TMX4: variants seen among roughly 807,000 people sequenced by gnomAD.
TMX4 encodes thioredoxin-related transmembrane protein 4.
TMX4 carries 23 observed loss-of-function variants against 33.3 expected under a neutral mutation model. The observed-to-expected ratio is 0.69, with a 90% confidence interval of 0.50 to 0.98. The LOEUF (loss-of-function observed/expected upper bound fraction) is 0.98, where lower values mean the gene tolerates loss of function less well. TMX4 is among the 50% of genes least tolerant of loss of function. TMX4 has a pLI of 0.00. For synonymous variants in TMX4, 164 were observed against 161.5 expected (o/e 1.02, Z -0.12); for missense variants, 399 against 448.9 (o/e 0.89, Z 1.01).
intron 1 of TMX4, among the ~76,000 whole-genome samples, chr20:8,015,776 T>A (rs1378471707): frequency 6.6e-6 from 1 of 152,214 alleles, no homozygotes; most frequent in Non-Finnish European, 1.5e-5. Context: ...AAAACCTAGA[T>A]GTCCTATGGA....
chr20:7,987,502 T>G (rs779819508), intron 5 of TMX4, 113 bp from the exon 6 acceptor site: 361 of 622,716 alleles, frequency 5.8e-4, no homozygotes, highest in Non-Finnish European at 7.6e-4. Flanking sequence ...AAGCTTTATG[T>G]ATCTAAATGA....
intron 5 of TMX4, among the ~76,000 whole-genome samples, chr20:7,992,585 AG>A (rs2050659822): frequency 6.6e-6 from 1 of 152,178 alleles, no homozygotes; most frequent in Non-Finnish European, 1.5e-5. Context: ...GCAAGAACAT[AG>A]GGGAGGTTGG....
chr20:8,001,469 C>T (rs888620834), intron 3 of TMX4, 27 bp downstream of exon 3: 7 of 1,569,568 alleles, frequency 4.5e-6, no homozygotes, highest in African/African-American at 2.7e-5. Flanking sequence ...CTAATATTTG[C>T]AAGATTAGAA....
intron 5 of TMX4, among the ~76,000 whole-genome samples, chr20:7,995,413 C>G (rs2122862502): frequency 6.6e-6 from 1 of 152,290 alleles, no homozygotes; most frequent in Non-Finnish European, 1.5e-5. Context: ...ACCTGAATAA[C>G]AGTTCTAACC....
At chr20:8,017,647 A>C (rs948241332) in intron 1 of TMX4, among the ~76,000 whole-genome samples, 1 of 152,214 alleles carries the variant, frequency 6.6e-6, no homozygotes, top group African/African-American at 2.4e-5. Flanking sequence ...ATACATATGC[A>C]AACTCAGTTT....
At chr20:7,989,064 A>G (rs2050643039) in intron 5 of TMX4, among the ~76,000 whole-genome samples, 1 of 152,122 alleles carries the variant, frequency 6.6e-6, no homozygotes, top group African/African-American at 2.4e-5. Flanking sequence ...CAACTCAGCA[A>G]GCAAAAGGCG....
At chr20:8,013,697 A>T (rs2050761847) in intron 1 of TMX4, 2 of 152,338 alleles carry the variant, frequency 1.3e-5, no homozygotes, top group Non-Finnish European at 1.5e-5. Context: ...TGTGCTAAAT[A>T]TTTCAGAGAA....
intron 5 of TMX4, among the ~76,000 whole-genome samples, chr20:7,991,627 A>C (rs2122858551): frequency 6.6e-6 from 1 of 152,356 alleles, no homozygotes; most frequent in Non-Finnish European, 1.5e-5. Context: ...ACGGAACCCT[A>C]TTTTAAGCCT....
intron 5 of TMX4, among the ~76,000 whole-genome samples, chr20:7,991,585 G>A (rs1431095147): frequency 8.5e-5 from 13 of 152,066 alleles, no homozygotes; most frequent in Admixed American, 7.9e-4. Flanking sequence ...TTTGGATTTG[G>A]GGATGCTCAA....
In TMX4 at chr20:7,978,686, T is replaced by C. The variant is rs772250163; in HGVS notation, c.*3565A>G. The C allele has an allele frequency of 2.0e-5, 3 of 152,208 alleles. No individual in the cohort carries two copies. The highest frequency in any genetic ancestry group is 2.1e-4 in the South Asian group (1 of 4,822). 9.4% of individuals were successfully genotyped at this position (152,208 alleles called of 1,614,324 possible). On this transcript the variant is annotated 3_prime_UTR_variant, in exon 8 of 8. Transcript: ENST00000246024. ...ACAGGGATTCCATGCACAAGAGCTT[T>C]TAAGTATGTGCCCATGCAGTGCAAG...
At chr20:7,995,218 A>G (rs2050671027) in intron 5 of TMX4, among the ~76,000 whole-genome samples, 1 of 152,220 alleles carries the variant, frequency 6.6e-6, no homozygotes, top group Non-Finnish European at 1.5e-5. Flanking sequence ...ACCATAACCT[A>G]CAATCATAGC....
At chr20:8,002,721 T>C (rs1311384798) in intron 2 of TMX4, among the ~76,000 whole-genome samples, 3 of 152,182 alleles carry the variant, frequency 2.0e-5, no homozygotes, top group African/African-American at 7.2e-5. Context: ...TTTAATAACA[T>C]GGAAAATTTA....
chr20:7,985,698 T>G (rs1483021867), intron 6 of TMX4, among the ~76,000 whole-genome samples: 1 of 152,098 alleles, frequency 6.6e-6, no homozygotes, highest in African/African-American at 2.4e-5. Context: ...TTAATAAAGT[T>G]AATAATATTT....
intron 6 of TMX4, among the ~76,000 whole-genome samples, chr20:7,987,047 T>C (rs1380048075): frequency 1.3e-5 from 2 of 151,324 alleles, no homozygotes; most frequent in Non-Finnish European, 1.5e-5. Flanking sequence ...AATTACTGTC[T>C]ATAGGCAGTA....
intron 1 of TMX4, among the ~76,000 whole-genome samples, chr20:8,018,069 C>T (rs1055379201): frequency 1.3e-5 from 2 of 151,684 alleles, no homozygotes; most frequent in African/African-American, 2.4e-5. Flanking sequence ...TGATCTCACA[C>T]TGAGGTTTTC....
chr20:8,011,505 T>C (rs1424867470), intron 1 of TMX4, among the ~76,000 whole-genome samples: 1 of 151,480 alleles, frequency 6.6e-6, no homozygotes. Context: ...ATGACACATA[T>C]AAACCAACTT....
At chr20:7,999,627 G>T in intron 4 of TMX4, 105 bp downstream of exon 4, 2 of 1,281,616 alleles carry the variant, frequency 1.6e-6, no homozygotes, top group Non-Finnish European at 2.1e-6. Context: ...CTGGGTAATT[G>T]GAAGTAAATG....
chr20:8,019,365 C>G (rs2050800653), intron 1 of TMX4, 73 bp downstream of exon 1: 1 of 1,464,734 alleles, frequency 6.8e-7, no homozygotes, highest in African/African-American at 1.5e-5. Flanking sequence ...GGGATCGCCA[C>G]CGGGCCGCGC....
intron 2 of TMX4, among the ~76,000 whole-genome samples, chr20:8,007,215 A>G (rs988805323): frequency 1.3e-5 from 2 of 152,140 alleles, no homozygotes; most frequent in Non-Finnish European, 2.9e-5. Flanking sequence ...CTCTATTTGG[A>G]TATCTATTTA....
Sources: allele counts gnomAD v4.1 joint callset (sites outside exome capture counted in the v4.1 genomes callset), GRCh38; gene constraint gnomAD v4.1.1; transcripts MANE v1.5; gene names NCBI Gene and HGNC (gene_info 2026-07-23, HGNC 2026-07-21).